The following DST variants were observed in gnomAD, a reference collection of about 807,000 sequenced individuals.
DST encodes the protein dystonin.
Under a neutral mutation model 875.2 loss-of-function variants are expected in DST, and 253 were observed. The ratio of observed to expected loss-of-function variants is 0.29; its 90% CI spans 0.26 to 0.32. The LOEUF (loss-of-function observed/expected upper bound fraction) is 0.32, where lower values mean the gene tolerates loss of function less well. Among genes scored for constraint, DST ranks in the 10% least tolerant of loss-of-function variants. The probability of loss-of-function intolerance (pLI) is 1.00; values close to 1 mark genes in which losing one functional copy is unlikely to be tolerated. For synonymous variants in DST, 3,124 were observed against 3,197.1 expected (o/e 0.98, Z 0.77); for missense variants, 8,287 against 9,111.6 (o/e 0.91, Z 3.68).
At chr6:56,466,943 A>G (rs1001834781) in intron 98 of DST, 5 of 152,196 alleles carry the variant, frequency 3.3e-5, no homozygotes, top group Non-Finnish European at 7.4e-5. Context: ...ACAGGCAATC[A>G]TCTTTTTCTT....
intron 4 of DST, among the ~76,000 whole-genome samples, chr6:56,766,938 T>C (rs1181502939): frequency 6.6e-6 from 1 of 152,214 alleles, no homozygotes; most frequent in East Asian, 1.9e-4. Flanking sequence ...CAGTGCTTTT[T>C]TTCTGTTTTG....
intron 4 of DST, among the ~76,000 whole-genome samples, chr6:56,785,220 G>A (rs1178261784): frequency 6.6e-6 from 1 of 152,194 alleles, no homozygotes; most frequent in Non-Finnish European, 1.5e-5. Flanking sequence ...GCTGAGTGCT[G>A]GGAGAACCAC....
intron 15 of DST, among the ~76,000 whole-genome samples, chr6:56,644,985 G>T (rs1332199496): frequency 1.3e-5 from 2 of 152,196 alleles, no homozygotes; most frequent in African/African-American, 4.8e-5. Context: ...TTGTAAATGG[G>T]AGTTCCCCTG....
intron 4 of DST, among the ~76,000 whole-genome samples, chr6:56,817,339 G>C (rs1406872675): frequency 6.6e-6 from 1 of 151,994 alleles, no homozygotes; most frequent in African/African-American, 2.4e-5. Context: ...AATAACATAG[G>C]CTTTCTAAAA....
chr6:56,775,999 TG>T (rs1290265214), intron 4 of DST, among the ~76,000 whole-genome samples: 1 of 152,126 alleles, frequency 6.6e-6, no homozygotes, highest in East Asian at 1.9e-4. Flanking sequence ...TAAGTAAGGA[TG>T]GGGGAGGAAA....
chr6:56,825,035 T>C (rs1425602257), intron 4 of DST, among the ~76,000 whole-genome samples: 1 of 152,120 alleles, frequency 6.6e-6, no homozygotes, highest in Non-Finnish European at 1.5e-5. Context: ...ATGATGACAA[T>C]GGCGGTTTTG....
At chr6:56,899,333 A>C (rs1792906149) in intron 3 of DST, among the ~76,000 whole-genome samples, 2 of 152,130 alleles carry the variant, frequency 1.3e-5, no homozygotes, top group African/African-American at 2.4e-5. Flanking sequence ...TGAAAAATAA[A>C]CCCTCATTTC....
Position 56,501,538 on chromosome 6 carries a change from C to T in DST, c.19722G>A (p.Glu6574=), listed in dbSNP as rs936981503. ...TATTTACCTGTCTGTTGATGATTCT[C>T]TCCTCCAGGCTATCCCATATCAATT... ...ELKLIWDSLE[E]RIINRQHKLE... Residue 6574 remains glutamate, a synonymous_variant, in exon 79 of 104, where the codon GAG becomes GAA. Coordinates refer to ENST00000680361, the MANE Select transcript of DST (RefSeq NM_001374736.1). 6 of 1,582,836 alleles carry T rather than the reference C, an allele frequency of 3.8e-6. No individual in the cohort carries two copies. In the African/African-American group the frequency reaches 8.1e-5, roughly 21 times the overall value.
intron 4 of DST, among the ~76,000 whole-genome samples, chr6:56,782,718 T>C (rs1206474965): frequency 1.3e-5 from 2 of 152,218 alleles, no homozygotes; most frequent in African/African-American, 4.8e-5. Flanking sequence ...TGTGTCTCTA[T>C]TTCCTTCAGT....
chr6:56,691,590 G>A, intron 9 of DST, among the ~76,000 whole-genome samples: 1 of 152,130 alleles, frequency 6.6e-6, no homozygotes, highest in East Asian at 1.9e-4. Context: ...ATCAACTCCT[G>A]AGTAGTAACA....
At chr6:56,524,416 A>G (rs1012656959) in intron 69 of DST, among the ~76,000 whole-genome samples, 1 of 151,974 alleles carries the variant, frequency 6.6e-6, no homozygotes, top group Non-Finnish European at 1.5e-5. Context: ...AGAATTTTAG[A>G]AAAAAAATGG....
chr6:56,478,513 C>T (rs2095289400), intron 90 of DST, among the ~76,000 whole-genome samples: 1 of 152,170 alleles, frequency 6.6e-6, no homozygotes, highest in Non-Finnish European at 1.5e-5. Context: ...AAATGTTTTA[C>T]AAATGTCTCA....
chr6:56,837,981 C>A (rs1323269903), intron 4 of DST, among the ~76,000 whole-genome samples: 1 of 151,496 alleles, frequency 6.6e-6, no homozygotes, highest in Admixed American at 6.6e-5. Context: ...CAATGACATA[C>A]TTCAGCAAAT....
In DST at chr6:56,511,206, T is replaced by C. The variant is rs779784752; in HGVS notation, c.18771A>G (p.Gln6257=). 1.6e-5 allele frequency: 26 copies of C among 1,580,444 alleles called. 1 individual carries two copies. Among genetic ancestry groups the C allele is most frequent in the Middle Eastern group, 1.7e-4 (1 of 6,028 alleles). The change falls in exon 73 of 104, where the codon CAA becomes CAG. Residue 6257 remains glutamine (Q), a synonymous_variant. Coordinates refer to ENST00000680361, the MANE Select transcript of DST (RefSeq NM_001374736.1). The part of the protein sequence containing the change: ...RAVALDEAIS[Q]STQFHDKIDQ... ...TAGTGTAAACAATTACCTGAGTTGATTGAGAAATGGCTTCATCCAGTGCCA... is the reference window on the plus strand; with the variant it reads ...TAGTGTAAACAATTACCTGAGTTGACTGAGAAATGGCTTCATCCAGTGCCA...
chr6:56,557,605 A>T, intron 58 of DST, 87 bp from the exon 59 acceptor site: 1 of 972,296 alleles, frequency 1.0e-6, no homozygotes. Context: ...ATGATTTAAA[A>T]TGATATATAA....
intron 69 of DST, among the ~76,000 whole-genome samples, chr6:56,524,944 C>T (rs954388681): frequency 2.6e-5 from 4 of 151,890 alleles, no homozygotes; most frequent in Non-Finnish European, 5.9e-5. Context: ...CATTATTTTC[C>T]TAAAGGATTC....
Position 56,529,885 on chromosome 6 carries a change from TAAACA to T in DST, c.17268+84_17268+88del, listed in dbSNP as rs1430244895. The T allele has an allele frequency of 7.5e-5, 113 of 1,506,426 alleles. 2 individuals carry two copies. In the South Asian group the frequency reaches 1.1e-3, roughly 15 times the overall value. The allele number at this position is 1,506,426 out of a possible 1,614,324, so 93.3% of individuals were successfully genotyped here. Reference sequence around the variant, plus strand: ...ATGTTAAATGGATTTAGTTTGCAATTAAACAAAACAATAGTACATAACTCAAATTT... The same window carrying T: ...ATGTTAAATGGATTTAGTTTGCAATTAAACAATAGTACATAACTCAAATTT... On this transcript the variant is annotated intron_variant, in intron 65 of 103. Coordinates refer to ENST00000680361, the MANE Select transcript of DST (RefSeq NM_001374736.1).
intron 3 of DST, among the ~76,000 whole-genome samples, chr6:56,898,379 G>A (rs1420330949): frequency 6.6e-6 from 1 of 152,224 alleles, no homozygotes; most frequent in Non-Finnish European, 1.5e-5. Context: ...TAAAGACTAT[G>A]TCTTATTAAC....
At chr6:56,515,711 G>A (rs546746934) in intron 71 of DST, 43 bp from the exon 72 acceptor site, 69 of 1,481,136 alleles carry the variant, frequency 4.7e-5, no homozygotes, top group East Asian at 2.5e-4. Context: ...TCAGGCCAAC[G>A]AGCACACACA....
Sources: allele counts gnomAD v4.1 joint callset (sites outside exome capture counted in the v4.1 genomes callset), GRCh38; gene constraint gnomAD v4.1.1; transcripts MANE v1.5; gene names NCBI Gene and HGNC (gene_info 2026-07-23, HGNC 2026-07-21).